BRK1: variants seen among roughly 807,000 people sequenced by gnomAD.
BRK1 encodes BRICK1 subunit of SCAR/WAVE actin nucleating complex, also known as protein BRICK1.
BRK1 carries 6 observed loss-of-function variants against 9.9 expected under a neutral mutation model. That is an observed-to-expected ratio of 0.60 (90% CI 0.33 to 1.19). BRK1 has a LOEUF of 1.19. Ranked by LOEUF, BRK1 falls within the 50% of genes most tolerant of loss-of-function variation. The probability of loss-of-function intolerance (pLI) is 0.04; values close to 1 mark genes in which losing one functional copy is unlikely to be tolerated. For synonymous variants in BRK1, 44 were observed against 31.9 expected (o/e 1.38, Z -1.28); for missense variants, 62 against 97.5 (o/e 0.64, Z 1.53).
At chr3:10,123,836 A>C (rs1204834191) in intron 1 of BRK1, among the ~76,000 whole-genome samples, 1 of 144,824 alleles carries the variant, frequency 6.9e-6, no homozygotes, top group Non-Finnish European at 1.5e-5. Context: ...CCCAGGTTCA[A>C]GTGATTCTCC....
At chr3:10,120,858 C>T (rs1299092664) in intron 1 of BRK1, among the ~76,000 whole-genome samples, 2 of 152,184 alleles carry the variant, frequency 1.3e-5, no homozygotes, top group Non-Finnish European at 2.9e-5. Context: ...AAGGAAACTT[C>T]CCTCTCTCCT....
rs67626468 is a variant in BRK1 at position 10,119,834 on chromosome 3, C to A, written c.118+4015C>A. 0.16 allele frequency among the ~76,000 whole-genome samples: 25,001 copies of A among 152,000 alleles called. 2,609 individuals carry two copies. Among genetic ancestry groups the A allele is most frequent in the African/African-American group, 0.29 (12,097 of 41,448 alleles). On this transcript the variant is annotated intron_variant, in intron 1 of 2. Coordinates refer to ENST00000530758, the MANE Select transcript of BRK1 (RefSeq NM_018462.5). ...TAATATATGCAGAGAAGTATAAAGA[C>A]AAAATAGAGAATGTGGCTGTTTTTT...
chr3:10,125,518 T>C (rs1695827078), intron 1 of BRK1, 108 bp from the exon 2 acceptor site: 1 of 682,160 alleles, frequency 1.5e-6, no homozygotes, highest in Non-Finnish European at 2.6e-6. Context: ...TGTATCCATT[T>C]CCATTTGTAT....
chr3:10,126,275 A>G lies in BRK1; in HGVS notation c.208A>G (p.Lys70Glu). 1.3e-6 allele frequency: 2 copies of G among 1,550,502 alleles called. No individual in the cohort carries two copies. The highest frequency in any genetic ancestry group is 1.7e-6 in the Non-Finnish European group (2 of 1,152,718). The change falls in exon 3 of 3, where the codon AAA becomes GAA. Residue 70 changes from lysine (K) to glutamate (E), a missense_variant. Lys to Glu is a moderately conservative substitution (Grantham distance 56). Coordinates refer to ENST00000530758, the MANE Select transcript of BRK1 (RefSeq NM_018462.5). Reference sequence around the variant, plus strand: ...TTTTCCTTTCCTTTCACAGGTGACAAAAGGTGAGACACTCACCTAGAACAG... The same window carrying G: ...TTTTCCTTTCCTTTCACAGGTGACAGAAGGTGAGACACTCACCTAGAACAG... ...RIEYIEARVT[K>E]GETLT
intron 2 of BRK1, 120 bp downstream of exon 2, chr3:10,125,828 C>T (rs542290561): frequency 2.6e-5 from 18 of 684,344 alleles, no homozygotes; most frequent in South Asian, 1.1e-4. Flanking sequence ...TGGTGGCTCA[C>T]GCCTGTAATC....
intron 1 of BRK1, among the ~76,000 whole-genome samples, chr3:10,125,194 C>G (rs1033331061): frequency 2.6e-5 from 4 of 151,630 alleles, no homozygotes; most frequent in African/African-American, 4.8e-5. Context: ...CCTTTGCCCC[C>G]CCCGGTTCAA....
chr3:10,119,003 T>G (rs996669232), intron 1 of BRK1, among the ~76,000 whole-genome samples: 1 of 151,966 alleles, frequency 6.6e-6, no homozygotes, highest in African/African-American at 2.4e-5. Context: ...ATGGTTTTTT[T>G]TGTTTGTTTG....
chr3:10,125,351 C>T (rs1047032877), intron 1 of BRK1, among the ~76,000 whole-genome samples: 3 of 152,020 alleles, frequency 2.0e-5, no homozygotes, highest in Non-Finnish European at 4.4e-5. Flanking sequence ...GTGATCCACC[C>T]GCCTAGTCCT....
chr3:10,119,015 T>C (rs2125117252), intron 1 of BRK1, among the ~76,000 whole-genome samples: 1 of 151,388 alleles, frequency 6.6e-6, no homozygotes, highest in South Asian at 2.1e-4. Context: ...GTTTGTTTGT[T>C]TTGTTTGTTT....
intron 1 of BRK1, among the ~76,000 whole-genome samples, chr3:10,123,659 C>CTGAAG (rs1695794702): frequency 1.5e-5 from 2 of 133,114 alleles, no homozygotes; most frequent in Non-Finnish European, 3.1e-5. Flanking sequence ...TGGTCTCCAT[C>CTGAAG]TCCTGACCTC....
intron 2 of BRK1, 67 bp downstream of exon 2, chr3:10,125,775 G>A (rs1695831367): frequency 1.7e-6 from 2 of 1,194,050 alleles, no homozygotes; most frequent in Non-Finnish European, 2.4e-6. Context: ...AAAAAAACCT[G>A]AAAGCAGAAA....
intron 1 of BRK1, among the ~76,000 whole-genome samples, chr3:10,117,959 G>C (rs980537640): frequency 2.6e-5 from 4 of 152,138 alleles, no homozygotes; most frequent in Non-Finnish European, 5.9e-5. Flanking sequence ...AGGTGTACCT[G>C]AGGCAAGTTC....
chr3:10,117,365 A>G (rs925472265), intron 1 of BRK1, among the ~76,000 whole-genome samples: 2 of 151,470 alleles, frequency 1.3e-5, no homozygotes, highest in Non-Finnish European at 2.9e-5. Context: ...TAGAGAGTAA[A>G]GACTTTATTT....
At chr3:10,123,653 CTCCAT>C (rs1695794338) in intron 1 of BRK1, among the ~76,000 whole-genome samples, 3 of 292 alleles carry the variant, frequency 0.01, no homozygotes, top group African/African-American at 0.026. Flanking sequence ...CCAGGATGGT[CTCCAT>C]CTCCTGACCT....
intron 1 of BRK1, among the ~76,000 whole-genome samples, chr3:10,118,933 G>A (rs1695720554): frequency 1.3e-5 from 2 of 152,152 alleles, no homozygotes; most frequent in South Asian, 4.1e-4. Flanking sequence ...CAATGAGGAT[G>A]AAGACCTTTA....
At chr3:10,122,444 G>A (rs957425042) in intron 1 of BRK1, among the ~76,000 whole-genome samples, 1 of 152,088 alleles carries the variant, frequency 6.6e-6, no homozygotes, top group Admixed American at 6.6e-5. Flanking sequence ...GGTGCCTCAC[G>A]CCTGTAATCC....
chr3:10,123,976 C>G (rs1232241405), intron 1 of BRK1, among the ~76,000 whole-genome samples: 1 of 150,754 alleles, frequency 6.6e-6, no homozygotes, highest in Non-Finnish European at 1.5e-5. Context: ...CTCAGTTGAT[C>G]TGCCCACCTT....
At chr3:10,122,530 A>C (rs1695771456) in intron 1 of BRK1, among the ~76,000 whole-genome samples, 1 of 150,106 alleles carries the variant, frequency 6.7e-6, no homozygotes. Flanking sequence ...ACAAAGTGAG[A>C]CCCCCATATC....
chr3:10,120,565 C>T (rs575953716), intron 1 of BRK1, among the ~76,000 whole-genome samples: 17 of 152,136 alleles, frequency 1.1e-4, no homozygotes, highest in Non-Finnish European at 1.8e-4. Flanking sequence ...CTGATAACAG[C>T]ATTTGTTTCC....
Sources: allele counts gnomAD v4.1 joint callset (sites outside exome capture counted in the v4.1 genomes callset), GRCh38; gene constraint gnomAD v4.1.1; transcripts MANE v1.5; gene names NCBI Gene and HGNC (gene_info 2026-07-23, HGNC 2026-07-21).